The following MYO9A variants were observed in gnomAD, a reference collection of about 807,000 sequenced individuals.
MYO9A encodes the protein unconventional myosin-IXa.
A neutral mutation model predicts 293.3 loss-of-function variants in MYO9A; 103 were observed. The ratio of observed to expected loss-of-function variants is 0.35; its 90% confidence interval spans 0.30 to 0.41. The LOEUF is 0.41. MYO9A is among the 10% of genes least tolerant of loss of function. MYO9A has a pLI of 1.00. For missense variants in MYO9A, 2,685 were observed against 3,033.0 expected, an observed-to-expected ratio of 0.89 and a Z score of 2.69; for synonymous variants, 1,001 against 1,035.7, an observed-to-expected ratio of 0.97 and a Z score of 0.64.
At chr15:71,839,919 T>C (rs1414593588) in intron 39 of MYO9A, among the ~76,000 whole-genome samples, 1 of 152,240 alleles carries the variant, frequency 6.6e-6, no homozygotes, top group Non-Finnish European at 1.5e-5. Flanking sequence ...GCTGTTTTTG[T>C]TGAGACCTCA....
At chr15:72,020,676 A>AT (rs549380118) in intron 5 of MYO9A, among the ~76,000 whole-genome samples, 2 of 152,132 alleles carry the variant, frequency 1.3e-5, no homozygotes, top group Non-Finnish European at 2.9e-5. Flanking sequence ...GCTTATTATT[A>AT]TTTTCCCAAA....
At chr15:72,081,430 T>C (rs1396934313) in intron 1 of MYO9A, among the ~76,000 whole-genome samples, 2 of 152,150 alleles carry the variant, frequency 1.3e-5, no homozygotes, top group Non-Finnish European at 2.9e-5. Flanking sequence ...TAAATTTAAA[T>C]TCTTTATAGG....
chr15:71,828,170 C>A (rs1305255936), intron 40 of MYO9A, 144 bp from the exon 41 acceptor site: 2 of 873,824 alleles, frequency 2.3e-6, no homozygotes, highest in Non-Finnish European at 3.5e-6. Context: ...GTGATGAGGA[C>A]CTGTATGCCA....
chr15:71,827,946 C>G lies in MYO9A; in HGVS notation c.7121G>C (p.Gly2374Ala). The G allele has an allele frequency of 2.5e-6, 4 of 1,613,764 alleles. No individual in the cohort carries two copies. Among genetic ancestry groups the G allele is most frequent in the Non-Finnish European group, 3.4e-6 (4 of 1,179,814 alleles). The stretch of plus-strand genomic sequence containing the variant: ...CAAATTCTCTGAGCTATCAGCAGTC[C>G]CAATGGAGGCCTCAGACTCAAGGGT... ...DETLESEASIGTADSSENLNM... is the reference protein window; with the variant it reads ...DETLESEASIATADSSENLNM... Residue 2374 changes from glycine to alanine, a missense_variant, in exon 41 of 42, where the codon GGG becomes GCG. By Grantham distance (60) the Gly-to-Ala change is moderately conservative. Transcript: ENST00000356056.
chr15:72,116,171 G>A (rs1007093837), intron 1 of MYO9A, among the ~76,000 whole-genome samples: 5 of 152,200 alleles, frequency 3.3e-5, no homozygotes, highest in African/African-American at 1.2e-4. Flanking sequence ...ATGGGTGGCT[G>A]GAGAGTGAAG....
chr15:72,100,898 C>A (rs1410723458), intron 1 of MYO9A, among the ~76,000 whole-genome samples: 2 of 146,250 alleles, frequency 1.4e-5, no homozygotes, highest in Admixed American at 1.3e-4. Context: ...GCCGGCCAGC[C>A]GCCCGGTCCG....
chr15:71,845,752 GTTAAA>G (rs750845808), intron 39 of MYO9A, among the ~76,000 whole-genome samples: 3 of 152,110 alleles, frequency 2.0e-5, no homozygotes, highest in Non-Finnish European at 4.4e-5. Flanking sequence ...CTTCTTAACT[GTTAAA>G]TTAACTATTT....
chr15:71,981,597 T>G (rs977406636), intron 11 of MYO9A, among the ~76,000 whole-genome samples: 1 of 152,072 alleles, frequency 6.6e-6, no homozygotes, highest in Admixed American at 6.5e-5. Context: ...AGTAATACCC[T>G]CTATCACTGG....
At chr15:71,861,447 T>C (rs532555624) in intron 33 of MYO9A, among the ~76,000 whole-genome samples, 33 of 148,138 alleles carry the variant, frequency 2.2e-4, no homozygotes, top group Admixed American at 1.8e-3. Flanking sequence ...TATTTAGATA[T>C]ATATTTATAT....
intron 34 of MYO9A, among the ~76,000 whole-genome samples, chr15:71,856,440 A>G (rs1326842677): frequency 1.3e-5 from 2 of 152,116 alleles, no homozygotes; most frequent in Non-Finnish European, 2.9e-5. Flanking sequence ...TGGATAACAA[A>G]CAACTAATGA....
chr15:71,887,510 A>T (rs947516136), intron 27 of MYO9A, among the ~76,000 whole-genome samples: 1 of 152,104 alleles, frequency 6.6e-6, no homozygotes, highest in African/African-American at 2.4e-5. Context: ...ACATCAGAGG[A>T]ATCTACCAAC....
At chr15:71,982,005 A>ATTTTTTTTTTTATTTTTTTTTT (rs2076284891) in intron 11 of MYO9A, among the ~76,000 whole-genome samples, 1 of 56,258 alleles carries the variant, frequency 1.8e-5, no homozygotes, top group African/African-American at 8.7e-5. Context: ...CCTATTTAGA[A>ATTTTTTTTTTTATTTTTTTTTT]TTTTTTTTTT....
chr15:72,010,403 C>G lies in MYO9A; in HGVS notation c.1200G>C (p.Glu400Asp). The change falls in exon 7 of 42, where the codon GAG (glutamate) becomes GAC (aspartate). Residue 400 changes from glutamate to aspartate, a missense_variant. Around this residue, in one of 10 missense-constraint regions of MYO9A, gnomAD observed 289 missense variants for 456.8 expected, o/e 0.63. Coordinates refer to ENST00000356056, the MANE Select transcript of MYO9A (RefSeq NM_006901.4). ...CCATTTCCATGGCAAGTTGTAGGCGCTCAAAGTCATGTCTCAAATCTTCTC... is the reference window on the plus strand; with the variant it reads ...CCATTTCCATGGCAAGTTGTAGGCGGTCAAAGTCATGTCTCAAATCTTCTC... Reference protein sequence around the residue: ...VEGEDLRHDFERLQLAMEMVG... With the variant: ...VEGEDLRHDFDRLQLAMEMVG... 6.2e-7 allele frequency: 1 copy of G among 1,613,446 alleles called. No homozygotes were observed. The highest frequency in any genetic ancestry group is 8.5e-7 in the Non-Finnish European group (1 of 1,179,648).
chr15:71,988,121 T>C (rs2076450216), intron 11 of MYO9A, among the ~76,000 whole-genome samples: 1 of 152,204 alleles, frequency 6.6e-6, no homozygotes, highest in Non-Finnish European at 1.5e-5. Context: ...ATTTAACCAA[T>C]GTTCTGTTTA....
At chr15:71,974,156 A>C (rs1398692110) in intron 12 of MYO9A, among the ~76,000 whole-genome samples, 1 of 152,232 alleles carries the variant, frequency 6.6e-6, no homozygotes, top group Non-Finnish European at 1.5e-5. Flanking sequence ...ATGGATTTGG[A>C]CAATCATCAT....
At chr15:72,015,757 G>A (rs1048806837) in intron 6 of MYO9A, among the ~76,000 whole-genome samples, 1 of 147,888 alleles carries the variant, frequency 6.8e-6, no homozygotes, top group Admixed American at 7.0e-5. Flanking sequence ...GCGTGATCTC[G>A]GCTCACTGCA....
rs1208962288 is a variant in MYO9A, at chr15:71,825,961, G to A, written c.*619C>T. The A allele has an allele frequency of 6.8e-6, 1 of 147,918 alleles. No homozygotes were observed. The highest frequency in any genetic ancestry group is 2.5e-5 in the African/African-American group (1 of 40,206). 9.2% of individuals were successfully genotyped at this position (147,918 alleles called of 1,614,324 possible). ...TAACAAGATATCTGAGACACGCTCT[G>A]ATGGCTTAATGGAAACAATCACGGT... On this transcript the variant is annotated 3_prime_UTR_variant, in exon 42 of 42. Coordinates refer to ENST00000356056, the MANE Select transcript of MYO9A (RefSeq NM_006901.4).
chr15:71,827,762 A>AAGACTTTGTTATTGCTGATGT (rs2054566727), intron 41 of MYO9A, 122 bp downstream of exon 41: 11 of 1,155,324 alleles, frequency 9.5e-6, no homozygotes, highest in Non-Finnish European at 1.3e-5. Flanking sequence ...AAAATTCCTC[A>AAGACTTTGTTATTGCTGATGT]AGACTTTGTT....
chr15:72,098,807 A>T (rs1405798019), intron 1 of MYO9A, among the ~76,000 whole-genome samples: 1 of 152,128 alleles, frequency 6.6e-6, no homozygotes, highest in East Asian at 1.9e-4. Flanking sequence ...CCACACCCCC[A>T]TCTCAAAAAC....
Sources: gnomAD v4.1 joint callset for allele counts (sites outside exome capture counted in the v4.1 genomes callset) on GRCh38, gnomAD v4.1.1 for gene constraint, gnomAD v4.1.1 regional missense constraint, MANE v1.5 for transcripts, NCBI Gene and HGNC (gene_info 2026-07-23, HGNC 2026-07-21) for gene names.